PLD2: variants seen among roughly 807,000 people sequenced by gnomAD.
PLD2 encodes phospholipase D2, also known as choline phosphatase 2.
In PLD2, 101 loss-of-function variants were observed where a neutral mutation model predicts 119.8. The ratio of observed to expected loss-of-function variants is 0.84; its 90% confidence interval spans 0.72 to 0.99. The LOEUF is 0.99. PLD2 is among the 50% of genes least tolerant of loss of function. The pLI, the probability that PLD2 is intolerant of heterozygous loss-of-function variation, is 0.00. For missense variants in PLD2, 1,164 were observed against 1,226.8 expected (o/e 0.95, Z 0.76); for synonymous variants, 494 against 482.8 (o/e 1.02, Z -0.30).
chr17:4,816,791 G>T (rs758016656), intron 15 of PLD2, 45 bp downstream of exon 15: 71 of 1,613,772 alleles, frequency 4.4e-5, no homozygotes, highest in Non-Finnish European at 5.9e-5. Flanking sequence ...TGAGAGCAGG[G>T]TCAGAAGCTG....
At chr17:4,817,110 G>T in intron 16 of PLD2, 36 bp from the exon 17 acceptor site, 2 of 1,599,378 alleles carry the variant, frequency 1.3e-6, no homozygotes, top group Non-Finnish European at 1.7e-6. Flanking sequence ...GGGCAGATTG[G>T]CACCTCCTGC....
In PLD2 at chr17:4,819,254, G is replaced by A. The variant is rs866975401; in HGVS notation, c.2308+36G>A. 3.1e-6 allele frequency: 5 copies of A among 1,612,176 alleles called. No individual in the cohort carries two copies. The highest frequency in any genetic ancestry group is 4.2e-6 in the Non-Finnish European group (5 of 1,179,188). ...GATCTAGTCCTCTGGCAGGGAGAGG[G>A]TGTGGGGACAGGCGAAGAGATGAGA... is the stretch of plus-strand genomic sequence containing the variant. On this transcript the variant is annotated intron_variant, in intron 22 of 24. Coordinates refer to ENST00000263088, the MANE Select transcript of PLD2 (RefSeq NM_002663.5). This position sits in a 1 kb window ranked among gnomAD's most constrained non-coding sequence, Gnocchi z 4.2.
At chr17:4,812,529 G>A (rs1017708514) in intron 10 of PLD2, among the ~76,000 whole-genome samples, 5 of 151,918 alleles carry the variant, frequency 3.3e-5, no homozygotes, top group Non-Finnish European at 4.4e-5. Context: ...TCCTGACTTC[G>A]TGATCTGCCC....
Position 4,816,651 on chromosome 17 carries a change from C to T in PLD2, c.1487C>T (p.Thr496Ile), listed in dbSNP as rs775854559. The change falls in exon 15 of 25, where the codon ACC becomes ATC. Residue 496 changes from threonine to isoleucine, a missense_variant. Thr to Ile is a moderately conservative substitution (Grantham distance 89). Transcript: ENST00000263088. ...PPTPRPDSPA[T>I]PDLSHNQFFW... ...ACCCCGCGCCCAGACTCACCAGCCA[C>T]CCCAGACCTCTCTCACAACCAATTC... 5.0e-6 allele frequency: 8 copies of T among 1,614,040 alleles called. 1 individual carries two copies. Among genetic ancestry groups the T allele is most frequent in the Middle Eastern group, 1.6e-4 (1 of 6,062 alleles).
At position 4,807,742 on chromosome 17, in the gene PLD2, C is replaced by T. The variant is rs769544595; in HGVS notation, c.-1-30C>T. On this transcript the variant is annotated intron_variant, in intron 1 of 24. Coordinates refer to ENST00000263088, the MANE Select transcript of PLD2 (RefSeq NM_002663.5). The surrounding 1 kb of genome is among the most constrained non-coding windows in gnomAD (Gnocchi z 5.4). ...GGGGGGCGGGTTCTGCAGGACAGCTCGCCTCCCTGAGGCTTCCCAATGTTC... is the reference window on the plus strand; with the variant it reads ...GGGGGGCGGGTTCTGCAGGACAGCTTGCCTCCCTGAGGCTTCCCAATGTTC... 15 of 1,288,632 alleles carry T rather than the reference C, an allele frequency of 1.2e-5. No homozygotes were observed. Among genetic ancestry groups the T allele is most frequent in the Non-Finnish European group, 1.2e-5 (11 of 898,448 alleles). The allele number at this position is 1,288,632 out of a possible 1,614,324, so 79.8% of individuals were successfully genotyped here.
At position 4,823,390 on chromosome 17, in the gene PLD2, T is replaced by A. The variant is rs1907865296; in HGVS notation, c.*526T>A. ...CCTGCTGACAGACACTAACTTTGTA[T>A]CCGTTCAATAAGCATTTCATAAATA... is the stretch of plus-strand genomic sequence containing the variant. On this transcript the variant is annotated 3_prime_UTR_variant, in exon 25 of 25. Transcript: ENST00000263088. The A allele has an allele frequency of 6.5e-6, 1 of 153,750 alleles. No homozygotes were observed. Among genetic ancestry groups the A allele is most frequent in the Non-Finnish European group, 1.5e-5 (1 of 68,776 alleles). The allele number at this position is 153,750 out of a possible 1,614,324, so 9.5% of individuals were successfully genotyped here.
In PLD2 at chr17:4,809,723, A is replaced by G; in HGVS notation, c.647A>G (p.His216Arg). The change falls in exon 8 of 25, where the codon CAC becomes CGC. Residue 216 changes from histidine to arginine, a missense_variant. Physicochemically the swap from His to Arg is conservative, Grantham distance 29. Transcript: ENST00000263088. ...ATGATCCGGAAGCGCTCAGGTGGCC[A>G]CCGTGTTCCTGGCCTCACCTGCTGT... The part of the protein sequence containing the change: ...EGMIRKRSGG[H>R]RVPGLTCCGR... The G allele has an allele frequency of 6.2e-7, 1 of 1,614,166 alleles. No homozygotes were observed.
rs780032984 is a variant in PLD2 at position 4,818,125 on chromosome 17, G to A, written c.1920+19G>A. 5 of 1,577,558 alleles carry A rather than the reference G, an allele frequency of 3.2e-6. No homozygotes were observed. The highest frequency in any genetic ancestry group is 4.4e-6 in the Non-Finnish European group (5 of 1,146,996). On this transcript the variant is annotated intron_variant, in intron 18 of 24. Coordinates refer to ENST00000263088, the MANE Select transcript of PLD2 (RefSeq NM_002663.5). ...CATTGAGGTCTGACTGGGAGGAGGT[G>A]GGGGAGAGCATGGAAGGGGTGTCCC... is the stretch of plus-strand genomic sequence containing the variant.
chr17:4,821,707 C>T, intron 23 of PLD2, 86 bp from the exon 24 acceptor site: 1 of 910,158 alleles, frequency 1.1e-6, no homozygotes, highest in Non-Finnish European at 1.8e-6. Flanking sequence ...TTTTGAATTA[C>T]CTGAGTAGGG....
rs147907598 is a variant in PLD2, at chr17:4,808,345, C to G, written c.312C>G (p.Tyr104Ter). Residue 104 changes from tyrosine to a stop codon, truncating the protein, a stop_gained, in exon 4 of 25, where the codon TAC becomes TAG. Transcript: ENST00000263088. LOFTEE classifies it high-confidence loss of function. The surrounding 1 kb of genome is among the most constrained non-coding windows in gnomAD (Gnocchi z 4.1). Reference protein sequence around the residue: ...GDFSWTTKKKYRHFQELHRDL... With the variant: ...GDFSWTTKKK ...TTTCCTGGACAACCAAGAAGAAATA[C>G]CGTCATTTTCAGGAGCTGCATCGGG... 23 of 1,613,980 alleles carry G rather than the reference C, an allele frequency of 1.4e-5. No homozygotes were observed. In the African/African-American group the frequency reaches 2.8e-4, roughly 20 times the overall value.
In PLD2 at chr17:4,809,150, C is replaced by T. The variant is rs1486307724; in HGVS notation, c.434C>T (p.Pro145Leu). 1 of 1,614,164 alleles carries T rather than the reference C, an allele frequency of 6.2e-7. No individual in the cohort carries two copies. The highest frequency in any genetic ancestry group is 1.1e-5 in the South Asian group (1 of 91,082). The change falls in exon 5 of 25, where the codon CCC (proline) becomes CTC (leucine). Residue 145 changes from proline (P) to leucine (L), a missense_variant. Physicochemically the swap from Pro to Leu is moderately conservative, Grantham distance 98. Coordinates refer to ENST00000263088, the MANE Select transcript of PLD2 (RefSeq NM_002663.5). Reference sequence around the variant, plus strand: ...CGAGATGCAGGCAACAGAGAGATGCCCTCTCTACCCCGGGCAGGTCCTGAG... The same window carrying T: ...CGAGATGCAGGCAACAGAGAGATGCTCTCTCTACCCCGGGCAGGTCCTGAG... ...PARDAGNREM[P>L]SLPRAGPEGS...
At position 4,809,509 on chromosome 17, in the gene PLD2, T is replaced by A; in HGVS notation, c.572T>A (p.Val191Asp). ...NYHAMTEFLE[V>D]SQLSFIPDLG... ...CCTCTGCAGACAGAGTTCCTGGAAGTCAGTCAGCTGTCCTTTATCCCGGAC... is the reference window on the plus strand; with the variant it reads ...CCTCTGCAGACAGAGTTCCTGGAAGACAGTCAGCTGTCCTTTATCCCGGAC... Residue 191 changes from valine to aspartate, a missense_variant, in exon 7 of 25, where the codon GTC becomes GAC. Val to Asp is a radical substitution (Grantham distance 152). Coordinates refer to ENST00000263088, the MANE Select transcript of PLD2 (RefSeq NM_002663.5). 1 of 1,607,566 alleles carries A rather than the reference T, an allele frequency of 6.2e-7. No individual in the cohort carries two copies. The highest frequency in any genetic ancestry group is 2.2e-5 in the East Asian group (1 of 44,750).
intron 24 of PLD2, among the ~76,000 whole-genome samples, chr17:4,822,301 A>C (rs1219867038): frequency 6.6e-6 from 1 of 152,118 alleles, no homozygotes; most frequent in Admixed American, 6.6e-5. Flanking sequence ...CCACCTGGGC[A>C]ACAAGAGCAA....
rs1049563494 is a variant in PLD2 at position 4,819,317 on chromosome 17, G to A, written c.2308+99G>A. ...GAGACTGCAGCTGAGGCTCGTGTAG[G>A]GGTGGAGGGTCCAAGAAGGAATGTT... On this transcript the variant is annotated intron_variant, in intron 22 of 24. Transcript: ENST00000263088. This position sits in a 1 kb window ranked among gnomAD's most constrained non-coding sequence, Gnocchi z 4.2. 8 of 1,592,846 alleles carry A rather than the reference G, an allele frequency of 5.0e-6. No individual in the cohort carries two copies. The highest frequency in any genetic ancestry group is 4.5e-5 in the East Asian group (2 of 44,002).
chr17:4,819,634 CT>C lies in PLD2; in HGVS notation c.2462+56del. 1 of 1,542,542 alleles carries C rather than the reference CT, an allele frequency of 6.5e-7. No individual in the cohort carries two copies. Among genetic ancestry groups the C allele is most frequent in the Non-Finnish European group, 8.8e-7 (1 of 1,135,402 alleles). ...GTGGGAGGGAGATGGGGGCGTCTGC[CT>C]TTTGAGCAGGACAAGAGGTAGCACC... On this transcript the variant is annotated intron_variant, in intron 23 of 24. Transcript: ENST00000263088. This position sits in a 1 kb window ranked among gnomAD's most constrained non-coding sequence, Gnocchi z 4.2.
At chr17:4,818,464 G>C in intron 19 of PLD2, 30 bp from the exon 20 acceptor site, 1 of 1,599,460 alleles carries the variant, frequency 6.3e-7, no homozygotes, top group Non-Finnish European at 8.6e-7. Context: ...TGAGGGACCA[G>C]TCGCACCTCT....
chr17:4,817,498 T>C (rs1468598875), intron 17 of PLD2: 2 of 507,114 alleles, frequency 3.9e-6, no homozygotes, highest in African/African-American at 3.9e-5. Flanking sequence ...CCATCTCTAC[T>C]AAAAATACAA....
Position 4,817,070 on chromosome 17 carries a change from C to T in PLD2, c.1701+15C>T, listed in dbSNP as rs202132044. On this transcript the variant is annotated intron_variant, in intron 16 of 24. Coordinates refer to ENST00000263088, the MANE Select transcript of PLD2 (RefSeq NM_002663.5). ...ACTTCACCAAGGTGTTCATTCCCTC[C>T]GATAGGGGCTGGAGGTAGGGAGGGA... 9.0e-5 allele frequency: 145 copies of T among 1,611,020 alleles called. 1 individual carries two copies. The African/African-American group carries it at 1.7e-3, about 19-fold the overall frequency.
rs770247546 is a variant in PLD2, at chr17:4,814,497, T to G, written c.1090T>G (p.Trp364Gly). Residue 364 changes from tryptophan (W) to glycine (G), a missense_variant, in exon 11 of 25, where the codon TGG becomes GGG. By Grantham distance (184) the Trp-to-Gly change is radical. Transcript: ENST00000263088. ...TCAAGAGGAGATTTTCATCACAGAC[T>G]GGTGGTGAGTGGGAAAAGGCCCCAA... is the stretch of plus-strand genomic sequence containing the variant. ...RAQEEIFITD[W>G]WLSPEVYLKR... 1 of 1,613,192 alleles carries G rather than the reference T, an allele frequency of 6.2e-7. No homozygotes were observed. Among genetic ancestry groups the G allele is most frequent in the Non-Finnish European group, 8.5e-7 (1 of 1,179,704 alleles).
Sources: gnomAD v4.1 joint callset for allele counts (sites outside exome capture counted in the v4.1 genomes callset) on GRCh38, gnomAD v4.1.1 for gene constraint, Gnocchi (gnomAD v3.1) non-coding constraint, MANE v1.5 for transcripts, NCBI Gene and HGNC (gene_info 2026-07-23, HGNC 2026-07-21) for gene names.